Variants in KCNQ3 observed in about 807,000 individuals in gnomAD.
KCNQ3 encodes the protein potassium voltage-gated channel subfamily Q member 3, also known as potassium voltage-gated channel subfamily KQT member 3.
KCNQ3 carries 30 observed loss-of-function variants against 92.5 expected under a neutral mutation model. The ratio of observed to expected loss-of-function variants is 0.32; its 90% CI spans 0.24 to 0.44. The LOEUF (loss-of-function observed/expected upper bound fraction) is 0.44. KCNQ3 is among the 20% of genes least tolerant of loss of function. KCNQ3 has a pLI of 1.00. For synonymous variants in KCNQ3, 450 were observed against 468.8 expected, an observed-to-expected ratio of 0.96 and a Z score of 0.52; for missense variants, 913 against 1,140.3, an observed-to-expected ratio of 0.80 and a Z score of 2.87.
At chr8:132,251,135 T>C (rs561107827) in intron 1 of KCNQ3, among the ~76,000 whole-genome samples, 8 of 152,106 alleles carry the variant, frequency 5.3e-5, no homozygotes, top group Middle Eastern at 3.4e-3. Flanking sequence ...GGTGTGGTGG[T>C]ATGCATATGT....
At chr8:132,374,789 G>C (rs1468896961) in intron 1 of KCNQ3, among the ~76,000 whole-genome samples, 1 of 151,968 alleles carries the variant, frequency 6.6e-6, no homozygotes, top group Admixed American at 6.6e-5. Context: ...CTGGTTTTCT[G>C]TTCCTGGGTT....
At chr8:132,215,818 G>A (rs1371501027) in intron 1 of KCNQ3, among the ~76,000 whole-genome samples, 4 of 152,194 alleles carry the variant, frequency 2.6e-5, no homozygotes, top group Non-Finnish European at 5.9e-5. Context: ...GAGTTCCCCT[G>A]TGGGCAGAGG....
chr8:132,250,114 G>A (rs1815352547), intron 1 of KCNQ3, among the ~76,000 whole-genome samples: 1 of 152,198 alleles, frequency 6.6e-6, no homozygotes, highest in South Asian at 2.1e-4. Context: ...ACAGTGCAGT[G>A]GCAGGCTGAA....
chr8:132,253,649 T>C (rs2130448111), intron 1 of KCNQ3, among the ~76,000 whole-genome samples: 1 of 152,340 alleles, frequency 6.6e-6, no homozygotes, highest in Middle Eastern at 3.4e-3. Flanking sequence ...ATACATTTAT[T>C]CTCTTCCCCT....
intron 1 of KCNQ3, among the ~76,000 whole-genome samples, chr8:132,280,843 C>T (rs1481816337): frequency 1.3e-5 from 2 of 152,152 alleles, no homozygotes; most frequent in Admixed American, 6.5e-5. Context: ...GCATTTGTCA[C>T]GTAGTTGGCA....
At chr8:132,217,312 ATTAC>A (rs1372136967) in intron 1 of KCNQ3, among the ~76,000 whole-genome samples, 2 of 152,168 alleles carry the variant, frequency 1.3e-5, no homozygotes, top group Non-Finnish European at 2.9e-5. Flanking sequence ...CATTTTATTG[ATTAC>A]TTACTATGTG....
intron 1 of KCNQ3, among the ~76,000 whole-genome samples, chr8:132,273,471 C>A (rs1816227316): frequency 6.6e-6 from 1 of 152,208 alleles, no homozygotes; most frequent in African/African-American, 2.4e-5. Context: ...ATTTTTTCTT[C>A]CTAGGCCTCT....
At chr8:132,218,592 C>A (rs1814118154) in intron 1 of KCNQ3, among the ~76,000 whole-genome samples, 1 of 152,054 alleles carries the variant, frequency 6.6e-6, no homozygotes, top group African/African-American at 2.4e-5. Context: ...TTTTATTATC[C>A]CCATTTTACA....
chr8:132,352,498 A>G lies in KCNQ3; in HGVS notation c.386+127649T>C, dbSNP rs138906670. Reference sequence around the variant, plus strand: ...CAGGAACACAGAGCAGGACTCGCTTAGGAAACTCACTGCCCCGAGCTGCTG... The same window carrying G: ...CAGGAACACAGAGCAGGACTCGCTTGGGAAACTCACTGCCCCGAGCTGCTG... On this transcript the variant is annotated intron_variant, in intron 1 of 14. Transcript: ENST00000388996. Among the ~76,000 whole-genome samples, 4 of 152,260 alleles carry G rather than the reference A, an allele frequency of 2.6e-5. No homozygotes were observed. In the East Asian group the frequency reaches 7.7e-4, roughly 29 times the overall value.
chr8:132,368,794 C>T (rs57953382), intron 1 of KCNQ3, among the ~76,000 whole-genome samples: 21,386 of 152,080 alleles, frequency 0.14, 1,632 homozygotes, highest in South Asian at 0.19. Flanking sequence ...GTACAGGGAG[C>T]GCTCATATAT....
At chr8:132,294,694 T>C (rs1183331382) in intron 1 of KCNQ3, among the ~76,000 whole-genome samples, 1 of 152,204 alleles carries the variant, frequency 6.6e-6, no homozygotes, top group South Asian at 2.1e-4. Flanking sequence ...CACTGGCAGC[T>C]GCTCACCCAG....
intron 1 of KCNQ3, among the ~76,000 whole-genome samples, chr8:132,192,321 C>G (rs1001763410): frequency 1.3e-5 from 2 of 152,276 alleles, no homozygotes; most frequent in East Asian, 3.9e-4. Flanking sequence ...ATACGGAAAC[C>G]CTCCTTAACC....
At chr8:132,431,991 C>G (rs1821263241) in intron 1 of KCNQ3, among the ~76,000 whole-genome samples, 1 of 152,200 alleles carries the variant, frequency 6.6e-6, no homozygotes, top group Non-Finnish European at 1.5e-5. Flanking sequence ...ATATTGGCTT[C>G]TCCAAAGCAA....
At chr8:132,155,439 G>A (rs1247619989) in intron 9 of KCNQ3, among the ~76,000 whole-genome samples, 1 of 152,200 alleles carries the variant, frequency 6.6e-6, no homozygotes, top group Non-Finnish European at 1.5e-5. Context: ...AAATATGGTT[G>A]CAAATCAGGA....
intron 1 of KCNQ3, among the ~76,000 whole-genome samples, chr8:132,341,547 CA>C (rs1198418172): frequency 6.6e-6 from 1 of 152,176 alleles, no homozygotes; most frequent in Non-Finnish European, 1.5e-5. Flanking sequence ...CCTAGCAGTG[CA>C]ATTTGATAAC....
chr8:132,171,542 G>A lies in KCNQ3; in HGVS notation c.1140+1056C>T, dbSNP rs542098887. 4.6e-5 allele frequency among the ~76,000 whole-genome samples: 7 copies of A among 152,330 alleles called. No homozygotes were observed. In the East Asian group the frequency reaches 1.4e-3, roughly 29 times the overall value. On this transcript the variant is annotated intron_variant, in intron 7 of 14. Transcript: ENST00000388996. ...TCCCTGCAACCCCCAGCCCATGTGAGGCTAGTGATGGAGATGGAAGGCTGG... is the reference window on the plus strand; with the variant it reads ...TCCCTGCAACCCCCAGCCCATGTGAAGCTAGTGATGGAGATGGAAGGCTGG...
intron 1 of KCNQ3, among the ~76,000 whole-genome samples, chr8:132,454,503 T>C (rs1241347392): frequency 6.6e-6 from 1 of 152,170 alleles, no homozygotes; most frequent in African/African-American, 2.4e-5. Flanking sequence ...CTTTATTCTC[T>C]ATAAGGAAGG....
At chr8:132,327,080 C>T (rs369943172) in intron 1 of KCNQ3, among the ~76,000 whole-genome samples, 3 of 152,122 alleles carry the variant, frequency 2.0e-5, no homozygotes, top group Admixed American at 6.5e-5. Context: ...GCTATACCCT[C>T]GAGCCTAAAA....
At chr8:132,200,709 T>A (rs1219714990) in intron 1 of KCNQ3, among the ~76,000 whole-genome samples, 1 of 152,182 alleles carries the variant, frequency 6.6e-6, no homozygotes, top group East Asian at 1.9e-4. Flanking sequence ...AGTTTAAGCT[T>A]CTTTAGTACT....
Sources: allele counts gnomAD v4.1 joint callset (sites outside exome capture counted in the v4.1 genomes callset), GRCh38; gene constraint gnomAD v4.1.1; transcripts MANE v1.5; gene names NCBI Gene and HGNC (gene_info 2026-07-23, HGNC 2026-07-21).